Variants in STX8 observed in about 807,000 individuals in gnomAD.
STX8 encodes syntaxin 8, also known as syntaxin-8.
Under a neutral mutation model 37.5 loss-of-function variants are expected in STX8, and 23 were observed. That is an observed-to-expected ratio of 0.61 (90% CI 0.44 to 0.87). STX8 has a LOEUF of 0.87. STX8 is among the 40% of genes least tolerant of loss of function. The probability of loss-of-function intolerance (pLI) is 0.00; values close to 1 mark genes in which losing one functional copy is unlikely to be tolerated. For synonymous variants in STX8, 115 were observed against 99.1 expected, an observed-to-expected ratio of 1.16 and a Z score of -0.95; for missense variants, 313 against 284.7, an observed-to-expected ratio of 1.10 and a Z score of -0.71.
chr17:9,551,720 C>T (rs1230765425), intron 3 of STX8, among the ~76,000 whole-genome samples: 1 of 152,110 alleles, frequency 6.6e-6, no homozygotes, highest in Non-Finnish European at 1.5e-5. Context: ...TCCTACATTA[C>T]AGATAATGAA....
At chr17:9,482,572 T>C (rs1311554366) in intron 6 of STX8, among the ~76,000 whole-genome samples, 1 of 152,170 alleles carries the variant, frequency 6.6e-6, no homozygotes, top group Admixed American at 6.6e-5. Flanking sequence ...TGAGAGGCAT[T>C]TGAGAGGCTT....
intron 6 of STX8, among the ~76,000 whole-genome samples, chr17:9,463,089 G>A (rs1390778079): frequency 6.6e-6 from 1 of 152,206 alleles, no homozygotes; most frequent in Non-Finnish European, 1.5e-5. Flanking sequence ...GAGGAAGAAT[G>A]TAAAAGAATC....
chr17:9,276,624 G>GT (rs1435827612), intron 7 of STX8, among the ~76,000 whole-genome samples: 1 of 146,946 alleles, frequency 6.8e-6, no homozygotes, highest in East Asian at 2.0e-4. Flanking sequence ...TTGTTTATTT[G>GT]TTTGTTTTTT....
At chr17:9,465,125 T>A (rs1336109441) in intron 6 of STX8, among the ~76,000 whole-genome samples, 1 of 152,104 alleles carries the variant, frequency 6.6e-6, no homozygotes, top group Non-Finnish European at 1.5e-5. Flanking sequence ...CCCTAAGTCA[T>A]CTAATTTTCC....
At chr17:9,392,618 G>A (rs1305902620) in intron 6 of STX8, among the ~76,000 whole-genome samples, 1 of 151,938 alleles carries the variant, frequency 6.6e-6, no homozygotes, top group Non-Finnish European at 1.5e-5. Context: ...AAAATACAAA[G>A]TAAATAAAAA....
chr17:9,494,028 G>GT (rs1597706863), intron 5 of STX8, among the ~76,000 whole-genome samples: 2 of 148,976 alleles, frequency 1.3e-5, no homozygotes, highest in Non-Finnish European at 1.5e-5. Flanking sequence ...TGTTGTTGTT[G>GT]TTTTTGAGAT....
At chr17:9,540,721 C>T (rs536463152) in intron 4 of STX8, 7 of 152,286 alleles carry the variant, frequency 4.6e-5, no homozygotes, top group African/African-American at 1.4e-4. Flanking sequence ...CTTGACAGTA[C>T]TTACATTATT....
At chr17:9,253,234 G>GTGTGTGTA (rs1906658103) in intron 7 of STX8, among the ~76,000 whole-genome samples, 1 of 151,828 alleles carries the variant, frequency 6.6e-6, no homozygotes, top group Non-Finnish European at 1.5e-5. Context: ...GTGTGTGTGT[G>GTGTGTGTA]TGTGTGTGTG....
intron 7 of STX8, among the ~76,000 whole-genome samples, chr17:9,300,923 C>T (rs1488241162): frequency 1.4e-5 from 2 of 148,044 alleles, no homozygotes; most frequent in Non-Finnish European, 3.0e-5. Flanking sequence ...AACTCCACCT[C>T]CCGGGTTCAC....
At chr17:9,491,763 A>T (rs1031183487) in intron 6 of STX8, 66 bp downstream of exon 6, 3 of 1,366,538 alleles carry the variant, frequency 2.2e-6, no homozygotes, top group Non-Finnish European at 3.1e-6. Context: ...AACTCATTCA[A>T]CAAATGCTCA....
intron 7 of STX8, among the ~76,000 whole-genome samples, chr17:9,338,659 C>A (rs964843311): frequency 5.3e-5 from 8 of 152,278 alleles, no homozygotes; most frequent in African/African-American, 1.9e-4. Flanking sequence ...TTTCAAAGAA[C>A]AGTTTCCAAG....
intron 7 of STX8, among the ~76,000 whole-genome samples, chr17:9,302,538 G>A (rs943596708): frequency 2.6e-5 from 4 of 152,036 alleles, no homozygotes; most frequent in Non-Finnish European, 5.9e-5. Flanking sequence ...TGCTTAAATA[G>A]CCACCCTGCT....
chr17:9,461,298 T>C (rs1275886308), intron 6 of STX8: 4 of 151,890 alleles, frequency 2.6e-5, no homozygotes. Context: ...GAGGTCAACA[T>C]GGAGAGGAGT....
At chr17:9,381,785 A>C (rs1911831288) in intron 6 of STX8, among the ~76,000 whole-genome samples, 1 of 152,232 alleles carries the variant, frequency 6.6e-6, no homozygotes, top group Non-Finnish European at 1.5e-5. Context: ...CCTGGCCAAC[A>C]TGGTGGAACC....
chr17:9,418,841 G>T (rs9899902), intron 6 of STX8, among the ~76,000 whole-genome samples: 15 of 139,474 alleles, frequency 1.1e-4, no homozygotes, highest in Non-Finnish European at 1.7e-4. Context: ...AAAAAAAAAG[G>T]GGGGGGGGAA....
chr17:9,330,659 G>A (rs182953914), intron 7 of STX8, among the ~76,000 whole-genome samples: 2 of 152,186 alleles, frequency 1.3e-5, no homozygotes, highest in Non-Finnish European at 2.9e-5. Context: ...TCACGTTTAC[G>A]AACAACAAGG....
At chr17:9,380,254 G>GTTTTTT (rs34806016) in intron 6 of STX8, among the ~76,000 whole-genome samples, 9 of 89,434 alleles carry the variant, frequency 1.0e-4, no homozygotes, top group African/African-American at 2.9e-4. Flanking sequence ...ATTTCTGTGT[G>GTTTTTT]TTTTTTTTTT....
chr17:9,254,284 C>A (rs1906702874), intron 7 of STX8, among the ~76,000 whole-genome samples: 1 of 152,160 alleles, frequency 6.6e-6, no homozygotes, highest in South Asian at 2.1e-4. Context: ...TCCGGGAGCT[C>A]CCCACTCGTG....
At chr17:9,571,645 G>A (rs1482849916) in intron 1 of STX8, among the ~76,000 whole-genome samples, 1 of 150,280 alleles carries the variant, frequency 6.7e-6, no homozygotes, top group African/African-American at 2.5e-5. Flanking sequence ...CATAGGCGTA[G>A]TGGCTCACAC....
Sources: gnomAD v4.1 joint callset for allele counts (sites outside exome capture counted in the v4.1 genomes callset) on GRCh38, gnomAD v4.1.1 for gene constraint, MANE v1.5 for transcripts, NCBI Gene and HGNC (gene_info 2026-07-23, HGNC 2026-07-21) for gene names.